KRABD3: variants seen among roughly 807,000 people sequenced by gnomAD.
The protein encoded by KRABD3 is KRAB domain containing 3, also known as KRAB domain-containing protein 3.
the KRABD3 span, chr7:149,729,829 A>C: frequency 1.0e-6 from 1 of 985,332 alleles, no homozygotes; most frequent in Non-Finnish European, 1.2e-6. Context: ...CAGGGATGGC[A>C]CCTGCCTGGT....
the KRABD3 span, among the ~76,000 whole-genome samples, chr7:149,716,457 G>A: frequency 3.3e-5 from 5 of 152,224 alleles, no homozygotes; most frequent in African/African-American, 4.8e-5. Flanking sequence ...TCCTCCTCCC[G>A]AAGATGAGTT....
the KRABD3 span, chr7:149,724,875 G>A: frequency 6.6e-7 from 1 of 1,525,414 alleles, no homozygotes; most frequent in Non-Finnish European, 8.8e-7. Context: ...GGCTGCTCTG[G>A]TGGTCTTCCC....
chr7:149,730,523 G>C, the KRABD3 span: 1 of 1,611,658 alleles, frequency 6.2e-7, no homozygotes, highest in South Asian at 1.1e-5. Context: ...CCCTGGTGAA[G>C]ACCCCAGGAG....
At chr7:149,730,064 C>G in the KRABD3 span, 1 of 1,419,188 alleles carries the variant, frequency 7.0e-7, no homozygotes, top group African/African-American at 1.4e-5. Flanking sequence ...GAAAAGGGGA[C>G]CGGTTCTGTG....
At chr7:149,729,076 T>C in the KRABD3 span, 3 of 817,912 alleles carry the variant, frequency 3.7e-6, no homozygotes, top group Non-Finnish European at 5.3e-6. Context: ...CCACACCTGA[T>C]GCTGGTGTGC....
the KRABD3 span, chr7:149,715,260 G>A: frequency 1.6e-6 from 2 of 1,219,836 alleles, no homozygotes; most frequent in Non-Finnish European, 2.0e-6. Flanking sequence ...CGGTACCCAC[G>A]GCCCAGTCTC....
chr7:149,720,077 G>A, the KRABD3 span: 2 of 1,554,030 alleles, frequency 1.3e-6, no homozygotes, highest in Non-Finnish European at 1.7e-6. Context: ...GTTGGGGGAG[G>A]GAGCCACGCT....
the KRABD3 span, chr7:149,720,108 T>C: frequency 1.9e-6 from 3 of 1,552,490 alleles, no homozygotes; most frequent in East Asian, 4.9e-5. Flanking sequence ...AGGAGCCTGC[T>C]GGTTGTGGAG....
the KRABD3 span, among the ~76,000 whole-genome samples, chr7:149,720,631 C>T: frequency 9.6e-3 from 1,459 of 152,340 alleles, 21 homozygotes; most frequent in African/African-American, 0.032. Flanking sequence ...ACCCAGGCCC[C>T]GCCCCCATGC....
chr7:149,716,800 C>T, the KRABD3 span, among the ~76,000 whole-genome samples: 1 of 152,186 alleles, frequency 6.6e-6, no homozygotes, highest in African/African-American at 2.4e-5. Flanking sequence ...GCAGACAGGT[C>T]TGGCTGCAGT....
At chr7:149,720,600 G>A in the KRABD3 span, among the ~76,000 whole-genome samples, 1 of 152,242 alleles carries the variant, frequency 6.6e-6, no homozygotes, top group East Asian at 1.9e-4. Context: ...AATGAGTAAC[G>A]TAGAACAGAG....
the KRABD3 span, chr7:149,719,360 G>A: frequency 1.8e-6 from 1 of 547,108 alleles, no homozygotes; most frequent in Admixed American, 3.7e-5. The surrounding 1 kb of genome is among the most constrained non-coding windows in gnomAD (Gnocchi z 5.6). Context: ...TAGGACTTCA[G>A]CGTGTCTCTG....
the KRABD3 span, chr7:149,722,460 C>T: frequency 6.1e-5 from 98 of 1,608,174 alleles, 4 homozygotes; most frequent in South Asian, 1.0e-3. Context: ...GAAGGAAGGC[C>T]CAGGAGCCCT....
chr7:149,730,476 G>A, the KRABD3 span: 4 of 1,607,574 alleles, frequency 2.5e-6, no homozygotes, highest in Non-Finnish European at 3.4e-6. Flanking sequence ...CTGTCCCCAT[G>A]TCCTGGTGGG....
At chr7:149,731,840 A>G in the KRABD3 span, 1 of 1,237,028 alleles carries the variant, frequency 8.1e-7, no homozygotes, top group Non-Finnish European at 1.2e-6. Context: ...AGCTTGGGGA[A>G]AACAGCCTTC....
At chr7:149,719,405 A>T in the KRABD3 span, 1 of 829,486 alleles carries the variant, frequency 1.2e-6, no homozygotes, top group Non-Finnish European at 1.8e-6. The surrounding 1 kb of genome is among the most constrained non-coding windows in gnomAD (Gnocchi z 5.6). Flanking sequence ...CTGTCTCTTG[A>T]GGGGATTCCT....
chr7:149,723,146 C>T, the KRABD3 span, among the ~76,000 whole-genome samples: 2 of 152,214 alleles, frequency 1.3e-5, no homozygotes, highest in Non-Finnish European at 2.9e-5. Flanking sequence ...AAAGGAAACT[C>T]GGAAGCAGGC....
At chr7:149,715,340 C>G in the KRABD3 span, 1 of 1,204,506 alleles carries the variant, frequency 8.3e-7, no homozygotes, top group African/African-American at 1.6e-5. Context: ...GCATGAAGGC[C>G]TCGGAGGCAG....
chr7:149,722,659 G>C, the KRABD3 span: 1 of 1,483,576 alleles, frequency 6.7e-7, no homozygotes, highest in African/African-American at 1.4e-5. Flanking sequence ...AGCTCCACCG[G>C]GCAGGCCTTG....
Sources: allele counts gnomAD v4.1 joint callset (sites outside exome capture counted in the v4.1 genomes callset), GRCh38; gene constraint gnomAD v4.1.1; non-coding constraint Gnocchi (gnomAD v3.1); transcripts MANE v1.5; gene names NCBI Gene and HGNC (gene_info 2026-07-23, HGNC 2026-07-21).